Variants in NPAS3 observed in about 807,000 individuals in gnomAD.
NPAS3 encodes neuronal PAS domain-containing protein 3.
Under a neutral mutation model 73.1 loss-of-function variants are expected in NPAS3, and 14 were observed. That is an observed-to-expected ratio of 0.19 (90% CI 0.13 to 0.30). The LOEUF (loss-of-function observed/expected upper bound fraction) is 0.30. NPAS3 is among the 10% of genes least tolerant of loss of function. The pLI, the probability that NPAS3 is intolerant of heterozygous loss-of-function variation, is 1.00. For missense variants in NPAS3, 1,096 were observed against 1,250.0 expected, an observed-to-expected ratio of 0.88 and a Z score of 1.86; for synonymous variants, 620 against 541.5, an observed-to-expected ratio of 1.14 and a Z score of -2.01.
In NPAS3 at chr14:33,495,886, C is replaced by A. The variant is rs142467981; in HGVS notation, c.469-64235C>A. Among the ~76,000 whole-genome samples, 41 of 151,794 alleles carry A rather than the reference C, an allele frequency of 2.7e-4. No homozygotes were observed. The East Asian group carries it at 7.6e-3, about 28-fold the overall frequency. On this transcript the variant is annotated intron_variant, in intron 4 of 11. Coordinates refer to ENST00000356141, the Ensembl canonical transcript of NPAS3. ...AGAAGGAGACAGAGACCCAAAAATC[C>A]CTTCAAAAAAATCAATGAATCCAGG...
At chr14:33,376,274 T>TA (rs535428698) in intron 4 of NPAS3, among the ~76,000 whole-genome samples, 1 of 152,086 alleles carries the variant, frequency 6.6e-6, no homozygotes. Flanking sequence ...TATATAGTTG[T>TA]AAAAAAAAGT....
chr14:33,198,290 TA>T (rs200038566), intron 2 of NPAS3, among the ~76,000 whole-genome samples: 32,116 of 152,080 alleles, frequency 0.21, 3,841 homozygotes, highest in South Asian at 0.38. Context: ...AGCCTGCTTT[TA>T]ATTCCCTTAT....
intron 5 of NPAS3, among the ~76,000 whole-genome samples, chr14:33,647,154 G>C (rs765316350): frequency 6.6e-6 from 1 of 152,062 alleles, no homozygotes; most frequent in Non-Finnish European, 1.5e-5. Context: ...ACACTAACTT[G>C]CTTAATGAAC....
chr14:33,531,840 C>T (rs1034994122), intron 4 of NPAS3, among the ~76,000 whole-genome samples: 9 of 152,080 alleles, frequency 5.9e-5, no homozygotes, highest in Non-Finnish European at 7.4e-5. Flanking sequence ...GGATTGTCAG[C>T]CTTCTGTTTT....
At position 33,056,187 on chromosome 14, in the gene NPAS3, A is replaced by G. The variant is rs180858745; in HGVS notation, c.140+193A>G. On this transcript the variant is annotated intron_variant, in intron 2 of 11. Transcript: ENST00000356141. Reference sequence around the variant, plus strand: ...AAAACAATTTGCCTCTGAGATCAAGACAGAAAAAAAATGTTTATTTTTTTG... The same window carrying G: ...AAAACAATTTGCCTCTGAGATCAAGGCAGAAAAAAAATGTTTATTTTTTTG... Among the ~76,000 whole-genome samples the G allele has an allele frequency of 1.8e-3, 279 of 152,312 alleles. 1 individual carries two copies. The highest frequency in any genetic ancestry group is 6.3e-3 in the African/African-American group (260 of 41,566).
intron 4 of NPAS3, among the ~76,000 whole-genome samples, 169 bp downstream of exon 4, chr14:33,367,437 C>A (rs1039393947): frequency 1.1e-4 from 16 of 151,800 alleles, no homozygotes; most frequent in African/African-American, 3.4e-4. Flanking sequence ...TTTTAGAAAG[C>A]CATCCTTTGA....
intron 5 of NPAS3, among the ~76,000 whole-genome samples, chr14:33,609,550 G>C (rs78694519): frequency 6.7e-6 from 1 of 149,948 alleles, no homozygotes; most frequent in East Asian, 2.0e-4. Flanking sequence ...AAAAAAAAAA[G>C]GACGTGAACT....
At chr14:32,938,375 C>G (rs1016008979), upstream of NPAS3, among the ~76,000 whole-genome samples, 1 of 151,782 alleles carries the variant, frequency 6.6e-6, no homozygotes, top group Non-Finnish European at 1.5e-5. Flanking sequence ...GGCTGCAATA[C>G]TCCAGAGAAG....
At chr14:33,524,412 T>C (rs1030992140) in intron 4 of NPAS3, among the ~76,000 whole-genome samples, 1 of 152,298 alleles carries the variant, frequency 6.6e-6, no homozygotes, top group East Asian at 1.9e-4. Flanking sequence ...AATGGTGATA[T>C]TCACAACAAC....
intron 2 of NPAS3, among the ~76,000 whole-genome samples, chr14:33,080,307 C>T (rs1595396585): frequency 6.6e-6 from 1 of 152,014 alleles, no homozygotes; most frequent in Non-Finnish European, 1.5e-5. Context: ...GGGGTTTCAT[C>T]GTGTTAGCCA....
At chr14:33,076,030 A>G (rs541416774) in intron 2 of NPAS3, among the ~76,000 whole-genome samples, 31 of 152,288 alleles carry the variant, frequency 2.0e-4, no homozygotes, top group African/African-American at 6.7e-4. Flanking sequence ...TGCATTTTCC[A>G]TCATTATTTA....
At chr14:33,068,672 G>A (rs374175813) in intron 2 of NPAS3, among the ~76,000 whole-genome samples, 1 of 152,334 alleles carries the variant, frequency 6.6e-6, no homozygotes, top group African/African-American at 2.4e-5. Context: ...GGATTTAGGA[G>A]TCCTGGGGTA....
At chr14:33,204,928 A>G (rs1485216337) in intron 2 of NPAS3, among the ~76,000 whole-genome samples, 1 of 151,946 alleles carries the variant, frequency 6.6e-6, no homozygotes, top group Non-Finnish European at 1.5e-5. Context: ...TCACTCATTT[A>G]TTGGAAAAAA....
chr14:33,584,739 T>A (rs566006163), intron 5 of NPAS3, among the ~76,000 whole-genome samples: 42 of 152,278 alleles, frequency 2.8e-4, no homozygotes, highest in African/African-American at 9.6e-4. Context: ...TTTGACAGCA[T>A]TTTTTTAGTA....
intron 3 of NPAS3, among the ~76,000 whole-genome samples, chr14:33,304,065 G>A (rs2042662200): frequency 6.6e-6 from 1 of 152,066 alleles, no homozygotes; most frequent in Non-Finnish European, 1.5e-5. Context: ...CCGCAACCAC[G>A]CCCGACCAAT....
intron 1 of NPAS3, among the ~76,000 whole-genome samples, chr14:32,992,357 A>G (rs1403687755): frequency 6.6e-6 from 1 of 152,132 alleles, no homozygotes; most frequent in Non-Finnish European, 1.5e-5. Flanking sequence ...GACTTTGCCT[A>G]TTTCTGTTCC....
At chr14:33,461,324 G>A (rs906521454) in intron 4 of NPAS3, among the ~76,000 whole-genome samples, 1 of 152,098 alleles carries the variant, frequency 6.6e-6, no homozygotes, top group Non-Finnish European at 1.5e-5. Context: ...TTTTGATGTT[G>A]CATAAAATGA....
chr14:33,732,212 C>T (rs112732673), intron 6 of NPAS3, among the ~76,000 whole-genome samples: 2 of 152,308 alleles, frequency 1.3e-5, no homozygotes, highest in African/African-American at 4.8e-5. Context: ...CCTCATCCCA[C>T]ACACATGCAC....
intron 2 of NPAS3, among the ~76,000 whole-genome samples, chr14:33,139,223 T>C (rs962618988): frequency 2.0e-5 from 3 of 152,274 alleles, no homozygotes; most frequent in South Asian, 4.1e-4. Flanking sequence ...CATCCAACTA[T>C]AGGATTTTGA....
Sources: gnomAD v4.1 joint callset for allele counts (sites outside exome capture counted in the v4.1 genomes callset) on GRCh38, gnomAD v4.1.1 for gene constraint, MANE v1.5 for transcripts, NCBI Gene and HGNC (gene_info 2026-07-23, HGNC 2026-07-21) for gene names.